The following CYB561 variants were observed in gnomAD, a reference collection of about 807,000 sequenced individuals.
CYB561 encodes the protein cytochrome b561.
Under a neutral mutation model 25.3 loss-of-function variants are expected in CYB561, and 11 were observed. That is an observed-to-expected ratio of 0.44 (90% confidence interval 0.27 to 0.72). The LOEUF (loss-of-function observed/expected upper bound fraction) is 0.72, where lower values mean the gene tolerates loss of function less well. Ranked by LOEUF, CYB561 falls within the 30% of genes least tolerant of loss-of-function variation. CYB561 has a pLI of 0.18. For missense variants in CYB561, 295 were observed against 334.9 expected (o/e 0.88, Z 0.93); for synonymous variants, 165 against 158.8 (o/e 1.04, Z -0.29).
At position 63,436,168 on chromosome 17, in the gene CYB561, G is replaced by C. The variant is rs745972367; in HGVS notation, c.203-16C>G. ...ACCAGCAGGGCTGTGGGAGGTGAGAGAGGGAACGTGAGTGCATCCGCCTGT... is the reference window on the plus strand; with the variant it reads ...ACCAGCAGGGCTGTGGGAGGTGAGACAGGGAACGTGAGTGCATCCGCCTGT... On this transcript the variant is annotated splice_polypyrimidine_tract_variant and intron_variant, in intron 2 of 5. Coordinates refer to ENST00000360793, the MANE Select transcript of CYB561 (RefSeq NM_001915.4). The surrounding 1 kb of genome is among the most constrained non-coding windows in gnomAD (Gnocchi z 4.8). 1 of 1,612,468 alleles carries C rather than the reference G, an allele frequency of 6.2e-7. No homozygotes were observed. The highest frequency in any genetic ancestry group is 8.5e-7 in the Non-Finnish European group (1 of 1,178,806).
At chr17:63,445,507 C>T (rs1019560571) in intron 1 of CYB561, among the ~76,000 whole-genome samples, 1 of 150,874 alleles carries the variant, frequency 6.6e-6, no homozygotes, top group African/African-American at 2.4e-5. Context: ...GAGAGGAGGA[C>T]GACCAGAAAG....
chr17:63,435,564 G>T, intron 4 of CYB561, 124 bp downstream of exon 4: 2 of 859,806 alleles, frequency 2.3e-6, no homozygotes, highest in Non-Finnish European at 3.8e-6. Flanking sequence ...TGGGAAGGCA[G>T]CTCTCTCACC....
Position 63,433,053 on chromosome 17 carries a change from C to T in CYB561, c.*1349G>A. Reference sequence around the variant, plus strand: ...ATCCAAGAAGCACATGATCGGTGTTCTTTTTTTTTTCTTTTTTGAGCCTGT... The same window carrying T: ...ATCCAAGAAGCACATGATCGGTGTTTTTTTTTTTTTCTTTTTTGAGCCTGT... On this transcript the variant is annotated 3_prime_UTR_variant, in exon 6 of 6. Transcript: ENST00000360793. 4.6e-6 allele frequency: 1 copy of T among 219,740 alleles called. No individual in the cohort carries two copies. Among genetic ancestry groups the T allele is most frequent in the Non-Finnish European group, 8.8e-6 (1 of 113,530 alleles). 13.6% of individuals were successfully genotyped at this position (219,740 alleles called of 1,614,324 possible).
In CYB561 at chr17:63,437,359, G is replaced by C; in HGVS notation, c.189C>G (p.Phe63Leu). ...CATGGGACTCACCATTTCCCTGCAGGAAGATCAGGCCTATGACCATGCAGA... is the reference window on the plus strand; with the variant it reads ...CATGGGACTCACCATTTCCCTGCAGCAAGATCAGGCCTATGACCATGCAGA... ...HPLCMVIGLI[F>L]LQGNALLVYR... Residue 63 changes from phenylalanine to leucine, a missense_variant, in exon 2 of 6, where the codon TTC (phenylalanine) becomes TTG (leucine). Coordinates refer to ENST00000360793, the MANE Select transcript of CYB561 (RefSeq NM_001915.4). 6.2e-7 allele frequency: 1 copy of C among 1,613,244 alleles called. No individual in the cohort carries two copies.
chr17:63,436,249 AGCTGAC>A lies in CYB561; in HGVS notation c.203-103_203-98del. 1 of 1,441,642 alleles carries A rather than the reference AGCTGAC, an allele frequency of 6.9e-7. No homozygotes were observed. Among genetic ancestry groups the A allele is most frequent in the Non-Finnish European group, 9.5e-7 (1 of 1,057,830 alleles). 89.3% of individuals were successfully genotyped at this position (1,441,642 alleles called of 1,614,324 possible). On this transcript the variant is annotated intron_variant, in intron 2 of 5. Coordinates refer to ENST00000360793, the MANE Select transcript of CYB561 (RefSeq NM_001915.4). The surrounding 1 kb of genome is among the most constrained non-coding windows in gnomAD (Gnocchi z 4.8). ...GGCACCTTGGTGGAGAGGTGATGTG[AGCTGAC>A]GGCTTGTAACAGGAGCCTAGCTGCA...
At chr17:63,435,013 G>A in intron 5 of CYB561, 73 bp downstream of exon 5, 3 of 1,476,342 alleles carry the variant, frequency 2.0e-6, no homozygotes, top group Middle Eastern at 3.9e-4. Context: ...GCCACAGCTG[G>A]GGAAGCTGAA....
intron 1 of CYB561, among the ~76,000 whole-genome samples, chr17:63,441,140 G>A (rs1369811141): frequency 6.6e-6 from 1 of 152,212 alleles, no homozygotes; most frequent in Non-Finnish European, 1.5e-5. Context: ...ACGACTGCCT[G>A]CGGCTTCAAC....
chr17:63,433,348 A>T lies in CYB561; in HGVS notation c.*1054T>A, dbSNP rs994954318. 8 of 398,416 alleles carry T rather than the reference A, an allele frequency of 2.0e-5. No individual in the cohort carries two copies. Among genetic ancestry groups the T allele is most frequent in the Non-Finnish European group, 3.5e-5 (8 of 226,100 alleles). The allele number at this position is 398,416 out of a possible 1,614,324, so 24.7% of individuals were successfully genotyped here. On this transcript the variant is annotated 3_prime_UTR_variant, in exon 6 of 6. Transcript: ENST00000360793. ...TGACTCAGCTAACATGACACTCTTTATGGGGCTGGAGTGATGTGCAGACAC... is the reference window on the plus strand; with the variant it reads ...TGACTCAGCTAACATGACACTCTTTTTGGGGCTGGAGTGATGTGCAGACAC...
chr17:63,443,103 G>A (rs980090775), intron 1 of CYB561, among the ~76,000 whole-genome samples: 4 of 152,164 alleles, frequency 2.6e-5, no homozygotes, highest in Admixed American at 2.6e-4. Flanking sequence ...CAGCTCAATT[G>A]CCCTAGAGCG....
Position 63,436,300 on chromosome 17 carries a change from A to G in CYB561, c.203-148T>C. Reference sequence around the variant, plus strand: ...GCTGCAGGAACCGGAGGAGAAAGCCAGGTTCCCTGGGGACCCTGGGCAGCT... The same window carrying G: ...GCTGCAGGAACCGGAGGAGAAAGCCGGGTTCCCTGGGGACCCTGGGCAGCT... On this transcript the variant is annotated intron_variant, in intron 2 of 5. Transcript: ENST00000360793. The surrounding 1 kb of genome is among the most constrained non-coding windows in gnomAD (Gnocchi z 4.8). 9.2e-7 allele frequency: 1 copy of G among 1,084,810 alleles called. No homozygotes were observed. Among genetic ancestry groups the G allele is most frequent in the Non-Finnish European group, 1.3e-6 (1 of 767,420 alleles). 67.2% of individuals were successfully genotyped at this position (1,084,810 alleles called of 1,614,324 possible). A position where few individuals can be genotyped will look rare whatever the true frequency, so the allele number is the denominator to read the frequency against.
rs190941944 is a variant in CYB561 at position 63,436,028 on chromosome 17, G to A, written c.301+26C>T. 554 of 1,613,744 alleles carry A rather than the reference G, an allele frequency of 3.4e-4. No homozygotes were observed. The highest frequency in any genetic ancestry group is 6.0e-4 in the South Asian group (55 of 91,042). ...ATACCTGAAGAGGCAGGCAGGTGGC[G>A]GGGAAGGCCGCGCCCGGGAACTCAC... On this transcript the variant is annotated intron_variant, in intron 3 of 5. Coordinates refer to ENST00000360793, the MANE Select transcript of CYB561 (RefSeq NM_001915.4). The surrounding 1 kb of genome is among the most constrained non-coding windows in gnomAD (Gnocchi z 4.8).
chr17:63,440,977 C>T (rs2049369620), intron 1 of CYB561: 1 of 152,176 alleles, frequency 6.6e-6, no homozygotes. Context: ...ATCACCTCTC[C>T]CTCTGCTGGG....
chr17:63,445,566 C>G (rs1321523973), intron 1 of CYB561, among the ~76,000 whole-genome samples: 1 of 139,174 alleles, frequency 7.2e-6, no homozygotes, highest in Non-Finnish European at 1.6e-5. Context: ...ATCCTCGCTC[C>G]GTGATACAGT....
At chr17:63,435,937 T>G in intron 3 of CYB561, 117 bp downstream of exon 3, 9 of 1,593,620 alleles carry the variant, frequency 5.6e-6, no homozygotes, top group Admixed American at 3.4e-5. Flanking sequence ...CAGGGGATGT[T>G]TGGGGTGGGG....
In CYB561 at chr17:63,435,687, C is replaced by T; in HGVS notation, c.405+1G>A. The T allele has an allele frequency of 6.2e-7, 1 of 1,613,950 alleles. No individual in the cohort carries two copies. The stretch of plus-strand genomic sequence containing the variant: ...AGGCCCGGGGTGTTGGAAGGACTCA[C>T]CTGCACAAAGTACAGGACAAAGACA... On this transcript the variant is annotated splice_donor_variant, in intron 4 of 5. Transcript: ENST00000360793. LOFTEE classifies it high-confidence loss of function.
intron 1 of CYB561, 198 bp from the exon 2 acceptor site, chr17:63,437,758 G>T (rs1313399183): frequency 7.1e-6 from 3 of 424,182 alleles, no homozygotes; most frequent in Admixed American, 4.8e-5. Context: ...GCGCACAGCC[G>T]CCCCTGCTAG....
intron 1 of CYB561, among the ~76,000 whole-genome samples, chr17:63,443,573 A>G (rs772859415): frequency 6.6e-6 from 1 of 152,246 alleles, no homozygotes; most frequent in Non-Finnish European, 1.5e-5. Context: ...GAAGAAAAAA[A>G]TGAACATTTA....
intron 4 of CYB561, 114 bp from the exon 5 acceptor site, chr17:63,435,357 G>A: frequency 2.5e-6 from 3 of 1,189,204 alleles, no homozygotes; most frequent in Non-Finnish European, 3.6e-6. Context: ...CCTCAGCCCT[G>A]CCTGGTTTCC....
chr17:63,444,188 C>T (rs979137659), intron 1 of CYB561, among the ~76,000 whole-genome samples: 8 of 152,138 alleles, frequency 5.3e-5, no homozygotes, highest in African/African-American at 1.9e-4. Flanking sequence ...TTCACCACTG[C>T]GCCGGGCCAA....
Sources: allele counts gnomAD v4.1 joint callset (sites outside exome capture counted in the v4.1 genomes callset), GRCh38; gene constraint gnomAD v4.1.1; non-coding constraint Gnocchi (gnomAD v3.1); transcripts MANE v1.5; gene names NCBI Gene and HGNC (gene_info 2026-07-23, HGNC 2026-07-21).